NMNAT2: variants seen among roughly 807,000 people sequenced by gnomAD.
The protein encoded by NMNAT2 is nicotinamide/nicotinic acid mononucleotide adenylyltransferase 2.
Under a neutral mutation model 41.6 loss-of-function variants are expected in NMNAT2, and 11 were observed. That is an observed-to-expected ratio of 0.26 (90% CI 0.17 to 0.44). The LOEUF (loss-of-function observed/expected upper bound fraction) is 0.44, where lower values mean the gene tolerates loss of function less well. Among genes scored for constraint, NMNAT2 ranks in the 20% least tolerant of loss-of-function variants. The pLI is 1.00. For missense variants in NMNAT2, 288 were observed against 407.7 expected (o/e 0.71, Z 2.53); for synonymous variants, 148 against 151.2 (o/e 0.98, Z 0.16).
rs1303506174 is a variant in NMNAT2, at chr1:183,291,308, A to C, written c.243-1102T>G. 3.3e-5 allele frequency among the ~76,000 whole-genome samples: 5 copies of C among 152,200 alleles called. No homozygotes were observed. In the South Asian group the frequency reaches 8.3e-4, roughly 25 times the overall value. On this transcript the variant is annotated intron_variant, in intron 3 of 10. Transcript: ENST00000287713. ...ACATACACATGCCTAAAGTGCCCAG[A>C]GATGAGATCCCACTAGCTGAAAACC...
chr1:183,334,332 G>T (rs12048443), intron 1 of NMNAT2, among the ~76,000 whole-genome samples: 12,405 of 152,036 alleles, frequency 0.082, 530 homozygotes, highest in Admixed American at 0.11. Context: ...CTTCCAAAGC[G>T]CTGGGATTAC....
intron 1 of NMNAT2, among the ~76,000 whole-genome samples, chr1:183,312,959 T>G (rs1233846525): frequency 1.3e-5 from 2 of 152,174 alleles, no homozygotes; most frequent in African/African-American, 4.8e-5. Flanking sequence ...TTCTTGTAAT[T>G]ATTCAAGGTT....
intron 1 of NMNAT2, among the ~76,000 whole-genome samples, chr1:183,360,364 G>A (rs1385714739): frequency 3.3e-5 from 5 of 151,912 alleles, no homozygotes; most frequent in Admixed American, 1.3e-4. Context: ...TAAGATGCTC[G>A]AGACAGCTTG....
At chr1:183,386,161 A>G (rs1365703023) in intron 1 of NMNAT2, among the ~76,000 whole-genome samples, 1 of 152,200 alleles carries the variant, frequency 6.6e-6, no homozygotes, top group African/African-American at 2.4e-5. Flanking sequence ...CGGAAGGACT[A>G]TCTTGTAAAC....
intron 1 of NMNAT2, among the ~76,000 whole-genome samples, chr1:183,353,669 A>T: frequency 6.6e-6 from 1 of 152,212 alleles, no homozygotes; most frequent in Non-Finnish European, 1.5e-5. Context: ...CAGACATGAA[A>T]TTGAAGAAAT....
intron 1 of NMNAT2, among the ~76,000 whole-genome samples, chr1:183,398,139 T>G (rs553365735): frequency 6.6e-6 from 1 of 152,056 alleles, no homozygotes. Context: ...AGTCAAGACC[T>G]ATCAGTGTGC....
chr1:183,303,003 C>T (rs1407330575), intron 1 of NMNAT2, among the ~76,000 whole-genome samples: 3 of 152,024 alleles, frequency 2.0e-5, no homozygotes, highest in Admixed American at 2.0e-4. Flanking sequence ...CCTTGTCATA[C>T]CTAAAAAATA....
intron 1 of NMNAT2, among the ~76,000 whole-genome samples, chr1:183,325,035 C>G (rs944481474): frequency 6.6e-6 from 1 of 152,156 alleles, no homozygotes; most frequent in East Asian, 1.9e-4. Flanking sequence ...AAAGCAGACC[C>G]CGAGGAACCA....
At chr1:183,381,360 G>A (rs1354530188) in intron 1 of NMNAT2, among the ~76,000 whole-genome samples, 4 of 152,152 alleles carry the variant, frequency 2.6e-5, no homozygotes, top group African/African-American at 7.2e-5. Context: ...AGAGCCAATA[G>A]CACATACAAT....
intron 1 of NMNAT2, among the ~76,000 whole-genome samples, chr1:183,389,841 A>AAAGAAAGG (rs1648412279): frequency 8.5e-5 from 6 of 70,346 alleles, no homozygotes; most frequent in African/African-American, 2.9e-4. Flanking sequence ...AGAAAGAAAG[A>AAAGAAAGG]AAGGAAAAAA....
At chr1:183,253,276 T>A (rs1043129309) in intron 10 of NMNAT2, among the ~76,000 whole-genome samples, 1 of 148,000 alleles carries the variant, frequency 6.8e-6, no homozygotes, top group African/African-American at 2.5e-5. Flanking sequence ...CTATATTATA[T>A]TATTTATATA....
At position 183,311,976 on chromosome 1, in the gene NMNAT2, G is replaced by A. The variant is rs555201515; in HGVS notation, c.86-18183C>T. ...TAAGGGGGAGTTTCCCTGCACAAGC[G>A]CTCTTTTTGCCTGCTGCCCTCCATG... is the stretch of plus-strand genomic sequence containing the variant. On this transcript the variant is annotated intron_variant, in intron 1 of 10. Transcript: ENST00000287713. 5.3e-5 allele frequency among the ~76,000 whole-genome samples: 8 copies of A among 152,122 alleles called. No homozygotes were observed. In the South Asian group the frequency reaches 8.3e-4, roughly 16 times the overall value.
chr1:183,284,740 G>A lies in NMNAT2; in HGVS notation c.499C>T (p.Arg167Cys), dbSNP rs761449746. 9 of 1,613,870 alleles carry A rather than the reference G, an allele frequency of 5.6e-6. No individual in the cohort carries two copies. The highest frequency in any genetic ancestry group is 4.5e-5 in the East Asian group (2 of 44,886). The change falls in exon 6 of 11, where the codon CGC (arginine) becomes TGC (cysteine). Residue 167 changes from arginine to cysteine, a missense_variant. Arg to Cys is a radical substitution (Grantham distance 180, BLOSUM62 -3). Transcript: ENST00000287713. Reference protein sequence around the residue: ...GESLSRICCVRPPVERFTFVD... With the variant: ...GESLSRICCVCPPVERFTFVD... ...AAGGTGAAACGCTCCACCGGCGGGC[G>A]GACACAGCAGATCCGGCTGAGGCTT...
At chr1:183,342,610 A>G (rs1197931550) in intron 1 of NMNAT2, among the ~76,000 whole-genome samples, 1 of 152,100 alleles carries the variant, frequency 6.6e-6, no homozygotes. Context: ...TGCCACCTCT[A>G]TGTTGGCAAT....
At chr1:183,266,751 A>G in intron 8 of NMNAT2, 1 of 215,374 alleles carries the variant, frequency 4.6e-6, no homozygotes, top group Non-Finnish European at 9.8e-6. Flanking sequence ...AGAAAATTCA[A>G]GCTAATTACT....
rs1005797606 is a variant in NMNAT2 at position 183,316,628 on chromosome 1, G to A, written c.86-22835C>T. On this transcript the variant is annotated intron_variant, in intron 1 of 10. Transcript: ENST00000287713. ...TCCAGGCACGGGGGCCTGAGGGACT[G>A]GGCACTTTACTTCCCTCTGGAGGGC... Among the ~76,000 whole-genome samples, 10 of 152,254 alleles carry A rather than the reference G, an allele frequency of 6.6e-5. No homozygotes were observed. The South Asian group carries it at 2.1e-3, about 32-fold the overall frequency.
Position 183,347,371 on chromosome 1 carries a change from ACTTGAG to A in NMNAT2, c.86-53584_86-53579del, listed in dbSNP as rs1053472410. Among the ~76,000 whole-genome samples, 7 of 152,122 alleles carry A rather than the reference ACTTGAG, an allele frequency of 4.6e-5. No homozygotes were observed. The South Asian group carries it at 1.0e-3, about 22-fold the overall frequency. Reference sequence around the variant, plus strand: ...CTCAAGAGGGTGAGAGAGGAGAATCACTTGAGCCCAGGAGGTCGTGGCTGCAGTAAG... The same window carrying A: ...CTCAAGAGGGTGAGAGAGGAGAATCACCCAGGAGGTCGTGGCTGCAGTAAG... On this transcript the variant is annotated intron_variant, in intron 1 of 10. Coordinates refer to ENST00000287713, the MANE Select transcript of NMNAT2 (RefSeq NM_015039.4).
chr1:183,300,146 G>A (rs1401573271), intron 1 of NMNAT2, among the ~76,000 whole-genome samples: 1 of 152,062 alleles, frequency 6.6e-6, no homozygotes, highest in Admixed American at 6.5e-5. Flanking sequence ...GCTCATGACT[G>A]TAATCCCAAC....
chr1:183,366,997 T>C lies in NMNAT2; in HGVS notation c.85+51186A>G, dbSNP rs1213636346. Among the ~76,000 whole-genome samples, 10 of 152,260 alleles carry C rather than the reference T, an allele frequency of 6.6e-5. No homozygotes were observed. The East Asian group carries it at 1.2e-3, about 18-fold the overall frequency. Reference sequence around the variant, plus strand: ...ATGCTCCCAGTTTGTTACTTATACATGCTTACTTGATTTCACATGTTACAC... The same window carrying C: ...ATGCTCCCAGTTTGTTACTTATACACGCTTACTTGATTTCACATGTTACAC... On this transcript the variant is annotated intron_variant, in intron 1 of 10. Transcript: ENST00000287713.
Sources: gnomAD v4.1 joint callset for allele counts (sites outside exome capture counted in the v4.1 genomes callset) on GRCh38, gnomAD v4.1.1 for gene constraint, MANE v1.5 for transcripts, NCBI Gene and HGNC (gene_info 2026-07-23, HGNC 2026-07-21) for gene names.